The following CD58 variants were observed in gnomAD, a reference collection of about 807,000 sequenced individuals.
CD58 encodes CD58 molecule.
In CD58, 14 loss-of-function variants were observed where a neutral mutation model predicts 27.6. That is an observed-to-expected ratio of 0.51 (90% CI 0.34 to 0.79). CD58 has a LOEUF of 0.79. Ranked by LOEUF, CD58 falls within the 30% of genes least tolerant of loss-of-function variation. The pLI is 0.02. For missense variants in CD58, 268 were observed against 301.7 expected (o/e 0.89, Z 0.83); for synonymous variants, 117 against 103.8 (o/e 1.13, Z -0.77).
At chr1:116,520,786 G>A (rs1050985113) in intron 4 of CD58, among the ~76,000 whole-genome samples, 19 of 152,106 alleles carry the variant, frequency 1.2e-4, no homozygotes, top group African/African-American at 4.1e-4. Context: ...TCAGCTGATC[G>A]TTATAATACT....
chr1:116,542,661 A>G (rs1212810235), intron 2 of CD58, among the ~76,000 whole-genome samples: 2 of 152,206 alleles, frequency 1.3e-5, no homozygotes, highest in East Asian at 3.9e-4. Context: ...TTATGGGGGA[A>G]ATTCTCATCA....
chr1:116,553,190 C>G (rs1045811340), intron 1 of CD58, among the ~76,000 whole-genome samples: 5 of 151,362 alleles, frequency 3.3e-5, no homozygotes, highest in African/African-American at 1.2e-4. Flanking sequence ...AGTTTAAAGG[C>G]TCCTTATATG....
Position 116,546,140 on chromosome 1 carries a change from C to T in CD58, c.71-1536G>A, listed in dbSNP as rs1293914010. On this transcript the variant is annotated intron_variant, in intron 1 of 5. Transcript: ENST00000369489. The surrounding 1 kb of genome is among the most constrained non-coding windows in gnomAD (Gnocchi z 4.1). ...TCAGCCATGATTGTGCCACTGCACT[C>T]CAGCCTGGGTGACAGAGCATGACCT... Among the ~76,000 whole-genome samples the T allele has an allele frequency of 6.6e-6, 1 of 152,196 alleles. No individual in the cohort carries two copies. The highest frequency in any genetic ancestry group is 2.1e-4 in the South Asian group (1 of 4,834).
In CD58 at chr1:116,536,049, G is replaced by A; in HGVS notation, c.544C>T (p.Pro182Ser). The A allele has an allele frequency of 6.2e-7, 1 of 1,612,972 alleles. No individual in the cohort carries two copies. Among genetic ancestry groups the A allele is most frequent in the Non-Finnish European group, 8.5e-7 (1 of 1,179,278 alleles). ...SIYFKMENDL[P>S]QKIQCTLSNP... ...CTAAGAGTACACTGTATTTTTTGTGGAAGATCATTTTCCATCTTAAAATAT... is the reference window on the plus strand; with the variant it reads ...CTAAGAGTACACTGTATTTTTTGTGAAAGATCATTTTCCATCTTAAAATAT... The change falls in exon 3 of 6, where the codon CCA becomes TCA. Residue 182 changes from proline to serine, a missense_variant. Coordinates refer to ENST00000369489, the MANE Select transcript of CD58 (RefSeq NM_001779.3). This position sits in a 1 kb window ranked among gnomAD's most constrained non-coding sequence, Gnocchi z 5.4.
chr1:116,541,619 A>G lies in CD58; in HGVS notation c.364+2692T>C, dbSNP rs1657990626. ...GACCAGCTGAAAGGATGGGGCTGCCATTAACCAAAAGGGAAAAGATTTGGG... is the reference window on the plus strand; with the variant it reads ...GACCAGCTGAAAGGATGGGGCTGCCGTTAACCAAAAGGGAAAAGATTTGGG... On this transcript the variant is annotated intron_variant, in intron 2 of 5. Coordinates refer to ENST00000369489, the MANE Select transcript of CD58 (RefSeq NM_001779.3). The surrounding 1 kb of genome is among the most constrained non-coding windows in gnomAD (Gnocchi z 5.3). 6.6e-6 allele frequency among the ~76,000 whole-genome samples: 1 copy of G among 152,242 alleles called. No individual in the cohort carries two copies. The highest frequency in any genetic ancestry group is 1.5e-5 in the Non-Finnish European group (1 of 68,046).
At position 116,531,620 on chromosome 1, in the gene CD58, ACTT is replaced by A. The variant is rs1657613262; in HGVS notation, c.628+4342_628+4344del. On this transcript the variant is annotated intron_variant, in intron 3 of 5. Transcript: ENST00000369489. This position sits in a 1 kb window ranked among gnomAD's most constrained non-coding sequence, Gnocchi z 4.5. ...TTTAACTTTGCAGCTCGTTTTAAAA[ACTT>A]CTTGCAATTGTGTGACTTGTACAAA... 6.6e-6 allele frequency among the ~76,000 whole-genome samples: 1 copy of A among 152,090 alleles called. No individual in the cohort carries two copies. Among genetic ancestry groups the A allele is most frequent in the Non-Finnish European group, 1.5e-5 (1 of 68,026 alleles).
In CD58 at chr1:116,544,479, G is replaced by A. The variant is rs768949530; in HGVS notation, c.196C>T (p.Leu66=). The A allele has an allele frequency of 1.2e-6, 2 of 1,614,018 alleles. No individual in the cohort carries two copies. The highest frequency in any genetic ancestry group is 8.5e-7 in the Non-Finnish European group (1 of 1,179,972). The change falls in exon 2 of 6, where the codon CTG becomes TTG. Residue 66 remains leucine, a synonymous_variant. Transcript: ENST00000369489. ...AAAGCTCTGAATTCAGAATTTTCCA[G>A]TTCTGCAACTTTATCCTTTTGTTTT... ...WKKQKDKVAE[L]ENSEFRAFSS...
rs762411979 is a variant in CD58, at chr1:116,522,014, T to G, written c.629-31A>C. The G allele has an allele frequency of 1.7e-6, 2 of 1,205,848 alleles. No individual in the cohort carries two copies. The highest frequency in any genetic ancestry group is 2.0e-5 in the Admixed American group (1 of 49,338). The allele number at this position is 1,205,848 out of a possible 1,614,324, so 74.7% of individuals were successfully genotyped here. The stretch of plus-strand genomic sequence containing the variant: ...AAAAAGAAAAGAAAAGAAATTCAAC[T>G]AGTTGAACTGATCAAAATGGATCCT... On this transcript the variant is annotated intron_variant, in intron 3 of 5. Coordinates refer to ENST00000369489, the MANE Select transcript of CD58 (RefSeq NM_001779.3). This position sits in a 1 kb window ranked among gnomAD's most constrained non-coding sequence, Gnocchi z 4.6.
Position 116,528,360 on chromosome 1 carries a change from G to A in CD58, c.629-6377C>T, listed in dbSNP as rs1232237294. 6.6e-6 allele frequency among the ~76,000 whole-genome samples: 1 copy of A among 151,720 alleles called. No homozygotes were observed. The highest frequency in any genetic ancestry group is 6.6e-5 in the Admixed American group (1 of 15,222). On this transcript the variant is annotated intron_variant, in intron 3 of 5. Transcript: ENST00000369489. The surrounding 1 kb of genome is among the most constrained non-coding windows in gnomAD (Gnocchi z 4.4). ...TTCCAATTTCTCTCTTTTTTCTTAGGAGTAAGATCAAAGGGTGTTTTTTTG... is the reference window on the plus strand; with the variant it reads ...TTCCAATTTCTCTCTTTTTTCTTAGAAGTAAGATCAAAGGGTGTTTTTTTG...
Position 116,538,962 on chromosome 1 carries a change from C to G in CD58, c.365-2734G>C, listed in dbSNP as rs1657904291. ...AGCATGGACTCAGAAGCCCAGCTGC[C>G]TGAGTGCATATCCCAGCTTCATGAC... On this transcript the variant is annotated intron_variant, in intron 2 of 5. Transcript: ENST00000369489. This position sits in a 1 kb window ranked among gnomAD's most constrained non-coding sequence, Gnocchi z 4.7. Among the ~76,000 whole-genome samples, 1 of 152,208 alleles carries G rather than the reference C, an allele frequency of 6.6e-6. No individual in the cohort carries two copies. The highest frequency in any genetic ancestry group is 2.1e-4 in the South Asian group (1 of 4,832).
chr1:116,560,348 T>C (rs1190865362), intron 1 of CD58, among the ~76,000 whole-genome samples: 3 of 152,148 alleles, frequency 2.0e-5, no homozygotes, highest in Non-Finnish European at 2.9e-5. Flanking sequence ...ACTAGATCGG[T>C]TAAGGCTGTG....
rs971702581 is a variant in CD58, at chr1:116,516,336, A to G, written c.744-1514T>C. ...TAAATAAAAATATACCAAGAAAAGTAAGCTCCTCTCTCAATCTCAGCCCCA... is the reference window on the plus strand; with the variant it reads ...TAAATAAAAATATACCAAGAAAAGTGAGCTCCTCTCTCAATCTCAGCCCCA... On this transcript the variant is annotated intron_variant, in intron 5 of 5. Transcript: ENST00000369489. The surrounding 1 kb of genome is among the most constrained non-coding windows in gnomAD (Gnocchi z 6.1). Among the ~76,000 whole-genome samples, 3 of 152,222 alleles carry G rather than the reference A, an allele frequency of 2.0e-5. No individual in the cohort carries two copies. In the South Asian group the frequency reaches 6.2e-4, roughly 32 times the overall value.
At chr1:116,545,218 G>A (rs1658125313) in intron 1 of CD58, among the ~76,000 whole-genome samples, 1 of 152,194 alleles carries the variant, frequency 6.6e-6, no homozygotes, top group South Asian at 2.1e-4. Context: ...CCAGCCCACA[G>A]CCTATGTGTG....
intron 1 of CD58, among the ~76,000 whole-genome samples, chr1:116,565,320 G>A (rs945113673): frequency 3.3e-5 from 5 of 152,194 alleles, no homozygotes; most frequent in Non-Finnish European, 5.9e-5. Context: ...CCACCACAAT[G>A]GTATCCTTGA....
At position 116,547,323 on chromosome 1, in the gene CD58, CT is replaced by C. The variant is rs199788173; in HGVS notation, c.71-2720del. 6.4e-3 allele frequency among the ~76,000 whole-genome samples: 881 copies of C among 136,816 alleles called. 8 individuals carry two copies. The highest frequency in any genetic ancestry group is 0.026 in the South Asian group (109 of 4,270). The allele number at this position is 136,816 out of a possible 152,430, so 89.8% of individuals were successfully genotyped here. ...TTGCTGTGAATGCCATTATTTTGTTCTTTTTTTTTTTTTTTTCTTTTGAGAC... is the reference window on the plus strand; with the variant it reads ...TTGCTGTGAATGCCATTATTTTGTTCTTTTTTTTTTTTTTTCTTTTGAGAC... On this transcript the variant is annotated intron_variant, in intron 1 of 5. Transcript: ENST00000369489.
At chr1:116,533,502 A>G in intron 3 of CD58, 1 of 735,190 alleles carries the variant, frequency 1.4e-6, no homozygotes, top group South Asian at 1.4e-5. Context: ...GTCCAGGGTC[A>G]GAAAACTTCA....
At chr1:116,544,932 C>T (rs1194375804) in intron 1 of CD58, among the ~76,000 whole-genome samples, 1 of 152,170 alleles carries the variant, frequency 6.6e-6, no homozygotes. Context: ...ATGAGGGGAG[C>T]TGCCTGGTCT....
At chr1:116,535,036 C>T (rs1365304615) in intron 3 of CD58, among the ~76,000 whole-genome samples, 1 of 152,120 alleles carries the variant, frequency 6.6e-6, no homozygotes, top group East Asian at 1.9e-4. Flanking sequence ...TAATAAACCA[C>T]TTTCAAGTCA....
chr1:116,545,725 G>C (rs919942686), intron 1 of CD58, among the ~76,000 whole-genome samples: 2 of 152,156 alleles, frequency 1.3e-5, no homozygotes, highest in African/African-American at 4.8e-5. Flanking sequence ...CCCTATTAGG[G>C]AACATCTAGT....
Sources: gnomAD v4.1 joint callset for allele counts (sites outside exome capture counted in the v4.1 genomes callset) on GRCh38, gnomAD v4.1.1 for gene constraint, Gnocchi (gnomAD v3.1) non-coding constraint, MANE v1.5 for transcripts, NCBI Gene and HGNC (gene_info 2026-07-23, HGNC 2026-07-21) for gene names.